The following TSPAN14 variants were observed in gnomAD, a reference collection of about 807,000 sequenced individuals.
TSPAN14 encodes the protein tetraspanin-14.
Under a neutral mutation model 36.6 loss-of-function variants are expected in TSPAN14, and 16 were observed. That is an observed-to-expected ratio of 0.44 (90% CI 0.30 to 0.66). TSPAN14 has a LOEUF of 0.66. Among genes scored for constraint, TSPAN14 ranks in the 30% least tolerant of loss-of-function variants. TSPAN14 has a pLI of 0.12. For synonymous variants in TSPAN14, 139 were observed against 143.8 expected (o/e 0.97, Z 0.24); for missense variants, 231 against 355.1 (o/e 0.65, Z 2.81).
rs1393437140 is a variant in TSPAN14, at chr10:80,489,435, G to A, written c.81+121G>A. 1.3e-5 allele frequency: 10 copies of A among 744,108 alleles called. No homozygotes were observed. The South Asian group carries it at 1.4e-4, about 10-fold the overall frequency. 46.1% of individuals were successfully genotyped at this position (744,108 alleles called of 1,614,324 possible). A position where few individuals can be genotyped will look rare whatever the true frequency, so the allele number is the denominator to read the frequency against. Reference sequence around the variant, plus strand: ...GGCTCTGGGATAAGGTGGTGGGCAGGGTCAGTGACCCCTACCCTCACAGAA... The same window carrying A: ...GGCTCTGGGATAAGGTGGTGGGCAGAGTCAGTGACCCCTACCCTCACAGAA... On this transcript the variant is annotated intron_variant, in intron 2 of 8. Transcript: ENST00000429989.
At chr10:80,478,672 G>C (rs1033978823) in intron 1 of TSPAN14, among the ~76,000 whole-genome samples, 5 of 152,144 alleles carry the variant, frequency 3.3e-5, no homozygotes, top group African/African-American at 1.2e-4. Flanking sequence ...TATAGGAGGT[G>C]GGGGAGTGAT....
chr10:80,485,665 A>G, intron 1 of TSPAN14: 2 of 985,278 alleles, frequency 2.0e-6, no homozygotes, highest in African/African-American at 1.7e-5. Context: ...CTGCTTTCCA[A>G]CCCGCTGGCC....
At chr10:80,472,793 A>G (rs963277384) in intron 1 of TSPAN14, among the ~76,000 whole-genome samples, 1 of 152,100 alleles carries the variant, frequency 6.6e-6, no homozygotes, top group African/African-American at 2.4e-5. Flanking sequence ...ATCCGTTGTT[A>G]TTATTGTTTA....
At chr10:80,456,094 G>A (rs1410509188) in intron 1 of TSPAN14, among the ~76,000 whole-genome samples, 2 of 152,152 alleles carry the variant, frequency 1.3e-5, no homozygotes, top group Admixed American at 6.5e-5. Flanking sequence ...TGTGGGGTGC[G>A]AGGCATTGTT....
intron 1 of TSPAN14, among the ~76,000 whole-genome samples, chr10:80,477,109 C>T (rs1052238667): frequency 1.3e-5 from 2 of 152,258 alleles, no homozygotes; most frequent in African/African-American, 4.8e-5. Flanking sequence ...GATCCAGCAA[C>T]AGTGCATCAA....
chr10:80,462,522 T>C (rs893416854), intron 1 of TSPAN14, among the ~76,000 whole-genome samples: 1 of 152,220 alleles, frequency 6.6e-6, no homozygotes, highest in Admixed American at 6.5e-5. Flanking sequence ...AAGGCTGGAA[T>C]GGTTTTTGTA....
chr10:80,512,046 G>A (rs753459484), intron 5 of TSPAN14, 98 bp from the exon 6 acceptor site: 8 of 1,559,322 alleles, frequency 5.1e-6, no homozygotes, highest in Admixed American at 1.8e-5. Context: ...GGTAGATGCC[G>A]GCAGACTTAG....
At chr10:80,515,562 C>G (rs949850907) in intron 7 of TSPAN14, 20 of 152,396 alleles carry the variant, frequency 1.3e-4, no homozygotes, top group African/African-American at 4.6e-4. Flanking sequence ...CACAATTTAG[C>G]TCCTAACACC....
chr10:80,487,342 CG>C (rs1564727367), intron 1 of TSPAN14, among the ~76,000 whole-genome samples: 1 of 151,948 alleles, frequency 6.6e-6, no homozygotes, highest in African/African-American at 2.4e-5. Context: ...GGGGACTTGT[CG>C]GAAATGCAGA....
intron 3 of TSPAN14, among the ~76,000 whole-genome samples, chr10:80,506,121 G>T (rs1044721586): frequency 6.6e-6 from 1 of 152,168 alleles, no homozygotes; most frequent in Non-Finnish European, 1.5e-5. Flanking sequence ...ACAGGCATGT[G>T]CCACCATGCC....
At chr10:80,496,158 T>TAAATTC (rs1271798872) in intron 2 of TSPAN14, among the ~76,000 whole-genome samples, 5 of 152,252 alleles carry the variant, frequency 3.3e-5, no homozygotes, top group African/African-American at 1.2e-4. Context: ...TGGCGTTAAG[T>TAAATTC]ACATTCACAT....
chr10:80,485,926 C>T (rs866912444), intron 1 of TSPAN14, among the ~76,000 whole-genome samples: 6 of 152,164 alleles, frequency 3.9e-5, no homozygotes, highest in African/African-American at 1.4e-4. Flanking sequence ...ATAATACTGG[C>T]GGTGCATGTG....
At chr10:80,493,288 C>A (rs1052512504) in intron 2 of TSPAN14, among the ~76,000 whole-genome samples, 2 of 152,152 alleles carry the variant, frequency 1.3e-5, no homozygotes, top group Non-Finnish European at 2.9e-5. Flanking sequence ...GAAATTGAAA[C>A]CTTTGTGCAC....
exon 9 of TSPAN14, chr10:80,519,512 T>G (rs1841134159): frequency 1.5e-5 from 1 of 66,894 alleles, no homozygotes; most frequent in African/African-American, 7.6e-5. Context: ...CTGTTGATGA[T>G]GATTTTTTTT....
At chr10:80,482,089 A>T (rs1240907263) in intron 1 of TSPAN14, among the ~76,000 whole-genome samples, 2 of 152,182 alleles carry the variant, frequency 1.3e-5, no homozygotes, top group African/African-American at 4.8e-5. Context: ...TTGGGTGTAA[A>T]CATCAAGAGT....
At chr10:80,511,767 T>C (rs1249746640) in intron 5 of TSPAN14, among the ~76,000 whole-genome samples, 1 of 129,970 alleles carries the variant, frequency 7.7e-6, no homozygotes, top group Non-Finnish European at 1.6e-5. Context: ...TCTCTCTCTC[T>C]CTCTCCCCTT....
At position 80,504,724 on chromosome 10, in the gene TSPAN14, T is replaced by A; in HGVS notation, c.82-4T>A. ...TCCTTCTCTCTTTCCTCTGCCCCGCTTAGTTGGCTGGAGTTGTCTTCCTTG... is the reference window on the plus strand; with the variant it reads ...TCCTTCTCTCTTTCCTCTGCCCCGCATAGTTGGCTGGAGTTGTCTTCCTTG... On this transcript the variant is annotated splice_region_variant and splice_polypyrimidine_tract_variant and intron_variant, in intron 2 of 8. Transcript: ENST00000429989. 8 of 1,614,170 alleles carry A rather than the reference T, an allele frequency of 5.0e-6. No homozygotes were observed. Among genetic ancestry groups the A allele is most frequent in the Middle Eastern group, 1.7e-4 (1 of 6,056 alleles).
At chr10:80,512,016 G>A (rs1025686456) in intron 5 of TSPAN14, 128 bp from the exon 6 acceptor site, 55 of 1,430,218 alleles carry the variant, frequency 3.8e-5, no homozygotes, top group Admixed American at 8.0e-5. Context: ...GGTAGGGGGC[G>A]GGCCTTGATT....
In TSPAN14 at chr10:80,485,047, A is replaced by G. The variant is rs139447999; in HGVS notation, c.-17-4170A>G. Among the ~76,000 whole-genome samples the G allele has an allele frequency of 2.3e-3, 348 of 152,248 alleles. 2 individuals are homozygous for G. Among genetic ancestry groups the G allele is most frequent in the African/African-American group, 7.2e-3 (299 of 41,548 alleles). On this transcript the variant is annotated intron_variant, in intron 1 of 8. Transcript: ENST00000429989. ...CTGCCACACTGATGCTTTATTTTCT[A>G]TCACATTCTTAGAGTTGAGACAGTT...
Sources: gnomAD v4.1 joint callset for allele counts (sites outside exome capture counted in the v4.1 genomes callset) on GRCh38, gnomAD v4.1.1 for gene constraint, MANE v1.5 for transcripts, NCBI Gene and HGNC (gene_info 2026-07-23, HGNC 2026-07-21) for gene names.